Variants in BCAM observed in about 807,000 individuals in gnomAD.
The protein encoded by BCAM is basal cell adhesion molecule.
In BCAM, 61 loss-of-function variants were observed where a neutral mutation model predicts 72.4. The observed-to-expected ratio is 0.84, with a 90% CI of 0.69 to 1.04. BCAM has a LOEUF of 1.04. BCAM is among the 50% of genes least tolerant of loss of function. The pLI is 0.00. For missense variants in BCAM, 909 were observed against 895.0 expected (o/e 1.02, Z -0.20); for synonymous variants, 408 against 384.2 (o/e 1.06, Z -0.73).
rs1968485146 is a variant in BCAM, at chr19:44,814,947, T to C, written c.1078+187T>C. ...TTTTTTCCCAGAGACAGGACCTGGC[T>C]ACGTTGCCCAGGCTGGTCTCGAACT... On this transcript the variant is annotated intron_variant, in intron 8 of 14. Transcript: ENST00000270233. This position sits in a 1 kb window ranked among gnomAD's most constrained non-coding sequence, Gnocchi z 4.6. Among the ~76,000 whole-genome samples the C allele has an allele frequency of 6.7e-6, 1 of 149,466 alleles. No individual in the cohort carries two copies. The highest frequency in any genetic ancestry group is 1.5e-5 in the Non-Finnish European group (1 of 67,288).
rs112662612 is a variant in BCAM at position 44,813,347 on chromosome 19, G to A, written c.601+1G>A. The A allele has an allele frequency of 1.2e-6, 2 of 1,613,800 alleles. No individual in the cohort carries two copies. Among genetic ancestry groups the A allele is most frequent in the South Asian group, 1.1e-5 (1 of 91,078 alleles). On this transcript the variant is annotated splice_donor_variant, in intron 5 of 14. Coordinates refer to ENST00000270233, the MANE Select transcript of BCAM (RefSeq NM_005581.5). LOFTEE classifies it high-confidence loss of function. This position sits in a 1 kb window ranked among gnomAD's most constrained non-coding sequence, Gnocchi z 4.2. ...GAGGTGCCCGTAGAGATGAACCCAG[G>A]TGAGCAGCGCAGGAGCGCGGCGGGA...
Position 44,813,576 on chromosome 19 carries a change from G to A in BCAM, c.740G>A (p.Arg247His), listed in dbSNP as rs751493122. Residue 247 changes from arginine (R) to histidine (H), a missense_variant, in exon 6 of 15, where the codon CGC (arginine) becomes CAC (histidine). Arg to His is a conservative substitution (Grantham distance 29). Coordinates refer to ENST00000270233, the MANE Select transcript of BCAM (RefSeq NM_005581.5). The surrounding 1 kb of genome is among the most constrained non-coding windows in gnomAD (Gnocchi z 4.2). ...GCCCACTACAGCCTGCCCGAGGGCC[G>A]CCACGGCCGCCTGGACAGCCCCACC... ...CAAHYSLPEG[R>H]HGRLDSPTFH... 9 of 1,612,378 alleles carry A rather than the reference G, an allele frequency of 5.6e-6. No individual in the cohort carries two copies. The highest frequency in any genetic ancestry group is 2.2e-5 in the South Asian group (2 of 91,046).
chr19:44,809,231 T>C, intron 1 of BCAM, 25 bp downstream of exon 1: 1 of 1,429,500 alleles, frequency 7.0e-7, no homozygotes, highest in Non-Finnish European at 9.2e-7. Flanking sequence ...GAGGGCAAGG[T>C]GGGACTGGGG....
intron 13 of BCAM, chr19:44,820,242 A>C: frequency 5.0e-6 from 5 of 993,802 alleles, no homozygotes; most frequent in Non-Finnish European, 6.0e-6. Flanking sequence ...CTCCAAGCCT[A>C]TCTCTCACCA....
rs1968532302 is a variant in BCAM at position 44,818,606 on chromosome 19, G to A, written c.1163G>A (p.Gly388Asp). 6.2e-7 allele frequency: 1 copy of A among 1,613,960 alleles called. No individual in the cohort carries two copies. Among genetic ancestry groups the A allele is most frequent in the Non-Finnish European group, 8.5e-7 (1 of 1,179,934 alleles). The change falls in exon 9 of 15, where the codon GGC becomes GAC. Residue 388 changes from glycine to aspartate, a missense_variant. By Grantham distance (94) the Gly-to-Asp change is moderately conservative. Transcript: ENST00000270233. This position sits in a 1 kb window ranked among gnomAD's most constrained non-coding sequence, Gnocchi z 4.6. The stretch of plus-strand genomic sequence containing the variant: ...GCAGTCGTGAACTGCTCCGTGCACG[G>A]CCTGCCCACCCCTGCCCTACGCTGG... ...SSAVVNCSVH[G>D]LPTPALRWTK...
Position 44,813,618 on chromosome 19 carries a change from A to G in BCAM, c.782A>G (p.His261Arg), listed in dbSNP as rs748478736. The change falls in exon 6 of 15, where the codon CAC (histidine) becomes CGC (arginine). Residue 261 changes from histidine (H) to arginine (R), a missense_variant and splice_region_variant. His to Arg is a conservative substitution (Grantham distance 29). Coordinates refer to ENST00000270233, the MANE Select transcript of BCAM (RefSeq NM_005581.5). This position sits in a 1 kb window ranked among gnomAD's most constrained non-coding sequence, Gnocchi z 4.2. ...AGCCCCACCTTCCACCTCACCCTGC[A>G]CTGTGAGTCTGTGCTGGCCTTTGAC... ...LDSPTFHLTL[H>R]YPTEHVQFWV... 12 of 1,611,542 alleles carry G rather than the reference A, an allele frequency of 7.4e-6. No homozygotes were observed. Among genetic ancestry groups the G allele is most frequent in the Non-Finnish European group, 1.0e-5 (12 of 1,179,480 alleles).
At chr19:44,819,275 A>G in intron 11 of BCAM, 71 bp from the exon 12 acceptor site, 1 of 1,609,774 alleles carries the variant, frequency 6.2e-7, no homozygotes, top group African/African-American at 1.3e-5. Flanking sequence ...GGGAGACTGG[A>G]CGTCGTTCAC....
At chr19:44,819,020 C>T (rs370497371) in intron 10 of BCAM, 36 bp from the exon 11 acceptor site, 7 of 1,610,606 alleles carry the variant, frequency 4.3e-6, no homozygotes, top group African/African-American at 2.7e-5. Flanking sequence ...TCTCTCTCCT[C>T]TCCCTTCACT....
At chr19:44,810,265 C>T (rs1968399603) in intron 1 of BCAM, among the ~76,000 whole-genome samples, 2 of 152,138 alleles carry the variant, frequency 1.3e-5, no homozygotes, top group South Asian at 4.1e-4. Flanking sequence ...TGCCCAGCTT[C>T]CCAAGATCCT....
intron 13 of BCAM, chr19:44,820,467 C>T (rs1968569220): frequency 8.0e-7 from 1 of 1,248,412 alleles, no homozygotes; most frequent in Admixed American, 4.0e-5. Flanking sequence ...ATCCCAAAGC[C>T]AACTCCAGCT....
chr19:44,818,032 C>G lies in BCAM; in HGVS notation c.1079-490C>G, dbSNP rs1968525210. Among the ~76,000 whole-genome samples the G allele has an allele frequency of 6.6e-6, 1 of 152,194 alleles. No individual in the cohort carries two copies. The highest frequency in any genetic ancestry group is 2.1e-4 in the South Asian group (1 of 4,832). ...TGAGGCCAGGAGCAGGGGCTCACGCCTGTGATCCTAGCACTTTTGGGAGGT... is the reference window on the plus strand; with the variant it reads ...TGAGGCCAGGAGCAGGGGCTCACGCGTGTGATCCTAGCACTTTTGGGAGGT... On this transcript the variant is annotated intron_variant, in intron 8 of 14. Coordinates refer to ENST00000270233, the MANE Select transcript of BCAM (RefSeq NM_005581.5). The surrounding 1 kb of genome is among the most constrained non-coding windows in gnomAD (Gnocchi z 4.6).
At chr19:44,811,078 G>C in intron 1 of BCAM, 147 bp from the exon 2 acceptor site, 1 of 1,186,546 alleles carries the variant, frequency 8.4e-7, no homozygotes, top group South Asian at 1.4e-5. Flanking sequence ...TCCTGGGTCT[G>C]AGGGAGGAGG....
At position 44,812,761 on chromosome 19, in the gene BCAM, CCAA is replaced by C. The variant is rs1488070845; in HGVS notation, c.504+216_504+218del. 1 of 576,630 alleles carries C rather than the reference CCAA, an allele frequency of 1.7e-6. No individual in the cohort carries two copies. The highest frequency in any genetic ancestry group is 1.9e-5 in the African/African-American group (1 of 53,318). The allele number at this position is 576,630 out of a possible 1,614,324, so 35.7% of individuals were successfully genotyped here. A position where few individuals can be genotyped will look rare whatever the true frequency, so the allele number is the denominator to read the frequency against. On this transcript the variant is annotated intron_variant, in intron 4 of 14. Coordinates refer to ENST00000270233, the MANE Select transcript of BCAM (RefSeq NM_005581.5). This position sits in a 1 kb window ranked among gnomAD's most constrained non-coding sequence, Gnocchi z 5.3. ...GGTCAGGAGTTCCAGACCAGCCTGG[CCAA>C]CATAATGAAACCCCGTCTCTACTAA...
rs1348515474 is a variant in BCAM at position 44,819,686 on chromosome 19, G to C, written c.1723G>C (p.Gly575Arg). 6.2e-7 allele frequency: 1 copy of C among 1,612,342 alleles called. No individual in the cohort carries two copies. Among genetic ancestry groups the C allele is most frequent in the Non-Finnish European group, 8.5e-7 (1 of 1,179,116 alleles). Reference sequence around the variant, plus strand: ...TGTCTTCTACTGCGTGAGACGCAAAGGGGGCCCCTGCTGCCGCCAGCGGCG... The same window carrying C: ...TGTCTTCTACTGCGTGAGACGCAAACGGGGCCCCTGCTGCCGCCAGCGGCG... The part of the protein sequence containing the change: ...VAVFYCVRRK[G>R]GPCCRQRREK... Residue 575 changes from glycine (G) to arginine (R), a missense_variant, in exon 13 of 15, where the codon GGG becomes CGG. Physicochemically the swap from Gly to Arg is moderately radical, Grantham distance 125 (BLOSUM62 -2). Transcript: ENST00000270233.
rs1356735895 is a variant in BCAM, at chr19:44,814,806, A to G, written c.1078+46A>G. 2 of 1,570,190 alleles carry G rather than the reference A, an allele frequency of 1.3e-6. No individual in the cohort carries two copies. Among genetic ancestry groups the G allele is most frequent in the South Asian group, 1.2e-5 (1 of 85,672 alleles). On this transcript the variant is annotated intron_variant, in intron 8 of 14. Coordinates refer to ENST00000270233, the MANE Select transcript of BCAM (RefSeq NM_005581.5). This position sits in a 1 kb window ranked among gnomAD's most constrained non-coding sequence, Gnocchi z 4.6. ...GGCGGGCAGGAGGGGCCCTGGCATC[A>G]GTGCCTCTGCGCCCTCCTCCCTACA...
chr19:44,814,072 T>A lies in BCAM; in HGVS notation c.785-80T>A. On this transcript the variant is annotated intron_variant, in intron 6 of 14. Coordinates refer to ENST00000270233, the MANE Select transcript of BCAM (RefSeq NM_005581.5). This position sits in a 1 kb window ranked among gnomAD's most constrained non-coding sequence, Gnocchi z 4.6. ...GACCCGCCATAGCCCTCACCTGGGATGCAGGGCTGACCTCTCGCCTGTCCT... is the reference window on the plus strand; with the variant it reads ...GACCCGCCATAGCCCTCACCTGGGAAGCAGGGCTGACCTCTCGCCTGTCCT... 1 of 1,472,146 alleles carries A rather than the reference T, an allele frequency of 6.8e-7. No individual in the cohort carries two copies. The allele number at this position is 1,472,146 out of a possible 1,614,324, so 91.2% of individuals were successfully genotyped here. A position where few individuals can be genotyped will look rare whatever the true frequency, so the allele number is the denominator to read the frequency against.
chr19:44,820,858 C>T (rs993596989), intron 14 of BCAM, 36 bp downstream of exon 14: 21 of 1,539,008 alleles, frequency 1.4e-5, no homozygotes, highest in Admixed American at 2.1e-5. Context: ...TGAGAGGGAC[C>T]TGCTGGGCAG....
intron 1 of BCAM, among the ~76,000 whole-genome samples, chr19:44,809,779 A>C (rs1008679497): frequency 6.7e-5 from 10 of 149,964 alleles, no homozygotes; most frequent in Admixed American, 5.3e-4. Context: ...CAGTGGAACA[A>C]AGTGTTTCCA....
chr19:44,810,356 G>T (rs924165911), intron 1 of BCAM, among the ~76,000 whole-genome samples: 3 of 152,096 alleles, frequency 2.0e-5, no homozygotes, highest in Non-Finnish European at 4.4e-5. Context: ...GCCAAGAGGC[G>T]GCTGGGGGCT....
Sources: allele counts gnomAD v4.1 joint callset (sites outside exome capture counted in the v4.1 genomes callset), GRCh38; gene constraint gnomAD v4.1.1; non-coding constraint Gnocchi (gnomAD v3.1); transcripts MANE v1.5; gene names NCBI Gene and HGNC (gene_info 2026-07-23, HGNC 2026-07-21).